ULK4: variants seen among roughly 807,000 people sequenced by gnomAD.
The protein encoded by ULK4 is unc-51 like kinase 4.
ULK4 carries 133 observed loss-of-function variants against 160.6 expected under a neutral mutation model. The ratio of observed to expected loss-of-function variants is 0.83; its 90% CI spans 0.72 to 0.96. ULK4 has a LOEUF of 0.96. Among genes scored for constraint, ULK4 ranks in the 40% least tolerant of loss-of-function variants. The pLI is 0.00. For missense variants in ULK4, 1,580 were observed against 1,499.5 expected (o/e 1.05, Z -0.89); for synonymous variants, 534 against 539.8 (o/e 0.99, Z 0.15).
chr3:41,804,246 G>C (rs956693885), intron 19 of ULK4, among the ~76,000 whole-genome samples: 16 of 152,188 alleles, frequency 1.1e-4, no homozygotes, highest in African/African-American at 3.9e-4. Flanking sequence ...GTGATGGTGA[G>C]CATTTTTTCA....
At chr3:41,835,757 G>A (rs778029056) in intron 18 of ULK4, 107 bp downstream of exon 18, 77 of 693,728 alleles carry the variant, frequency 1.1e-4, no homozygotes, top group Non-Finnish European at 1.6e-4. Flanking sequence ...TTCCTCAGGC[G>A]TGCTCTAAGG....
chr3:41,269,371 C>A (rs920320852), intron 35 of ULK4, among the ~76,000 whole-genome samples: 1 of 151,876 alleles, frequency 6.6e-6, no homozygotes, highest in African/African-American at 2.4e-5. Context: ...CAAGCAGAGA[C>A]CTGGCCTATG....
intron 27 of ULK4, among the ~76,000 whole-genome samples, chr3:41,702,435 C>T (rs2036707745): frequency 6.6e-6 from 1 of 151,972 alleles, no homozygotes; most frequent in African/African-American, 2.4e-5. Flanking sequence ...ATGAGTCATC[C>T]CGCCTGGCCC....
intron 4 of ULK4, among the ~76,000 whole-genome samples, chr3:41,934,877 T>C (rs570454998): frequency 2.0e-5 from 3 of 152,270 alleles, no homozygotes; most frequent in Admixed American, 1.3e-4. Flanking sequence ...CCTTATCTTA[T>C]AGACATATTG....
At chr3:41,871,590 G>A (rs1186665801) in intron 17 of ULK4, among the ~76,000 whole-genome samples, 4 of 152,066 alleles carry the variant, frequency 2.6e-5, no homozygotes, top group East Asian at 1.9e-4. Context: ...TTTCTCTAAC[G>A]GATAATAATG....
At chr3:41,766,033 G>C (rs1341718230) in intron 21 of ULK4, among the ~76,000 whole-genome samples, 1 of 152,158 alleles carries the variant, frequency 6.6e-6, no homozygotes, top group African/African-American at 2.4e-5. Context: ...CACTTTGGGA[G>C]GCCAAAGCGG....
chr3:41,282,430 T>A (rs924049836), intron 35 of ULK4, among the ~76,000 whole-genome samples: 4 of 152,204 alleles, frequency 2.6e-5, no homozygotes, highest in African/African-American at 9.6e-5. Context: ...CAAAACAGCA[T>A]GGTACTGGTA....
At chr3:41,474,679 C>T (rs558664886) in intron 32 of ULK4, among the ~76,000 whole-genome samples, 4 of 151,032 alleles carry the variant, frequency 2.6e-5, no homozygotes, top group Admixed American at 6.6e-5. Flanking sequence ...GATTTAAAAA[C>T]GAACAAGGAA....
At chr3:41,674,208 T>A (rs189058105) in intron 29 of ULK4, among the ~76,000 whole-genome samples, 1 of 152,252 alleles carries the variant, frequency 6.6e-6, no homozygotes, top group African/African-American at 2.4e-5. Context: ...CATTTACAGA[T>A]AAATACTAAA....
intron 30 of ULK4, among the ~76,000 whole-genome samples, chr3:41,635,338 AG>A (rs2033907487): frequency 6.6e-6 from 1 of 152,190 alleles, no homozygotes; most frequent in African/African-American, 2.4e-5. Flanking sequence ...AAGAACCACT[AG>A]CCTGTGTTTG....
At chr3:41,420,764 T>C (rs1440538496) in intron 34 of ULK4, among the ~76,000 whole-genome samples, 1 of 150,116 alleles carries the variant, frequency 6.7e-6, no homozygotes, top group Non-Finnish European at 1.5e-5. Context: ...GAATTACAGG[T>C]GTGAGCCACC....
chr3:41,432,138 G>T (rs906903080), intron 34 of ULK4, among the ~76,000 whole-genome samples: 2 of 152,062 alleles, frequency 1.3e-5, no homozygotes, highest in Non-Finnish European at 2.9e-5. Context: ...ACAAGGCAAC[G>T]ACGGCTTCTA....
chr3:41,849,804 A>AT (rs1019905916), intron 17 of ULK4, among the ~76,000 whole-genome samples: 4 of 152,002 alleles, frequency 2.6e-5, no homozygotes, highest in Non-Finnish European at 4.4e-5. Flanking sequence ...CTAAAACTAC[A>AT]TTTTTTTAAA....
intron 35 of ULK4, among the ~76,000 whole-genome samples, chr3:41,289,024 T>C (rs2079511792): frequency 1.3e-5 from 2 of 152,218 alleles, no homozygotes; most frequent in Admixed American, 1.3e-4. Flanking sequence ...AAGAGCTCTC[T>C]GTCAGAGCGC....
intron 32 of ULK4, among the ~76,000 whole-genome samples, chr3:41,558,767 C>A (rs996165139): frequency 2.7e-5 from 4 of 150,466 alleles, no homozygotes; most frequent in African/African-American, 7.3e-5. Flanking sequence ...CTTCGGTGGG[C>A]GGGGGGAAAT....
chr3:41,621,988 G>A lies in ULK4; in HGVS notation c.3072-6271C>T, dbSNP rs149555997. On this transcript the variant is annotated intron_variant, in intron 30 of 36. Coordinates refer to ENST00000301831, the MANE Select transcript of ULK4 (RefSeq NM_017886.4). ...ACACTTCTCAAAAGAAGACATTTAC[G>A]TGGCCAACAAACATATGAAAAAGAG... is the stretch of plus-strand genomic sequence containing the variant. Among the ~76,000 whole-genome samples the A allele has an allele frequency of 6.6e-5, 10 of 152,248 alleles. No homozygotes were observed. The East Asian group carries it at 9.7e-4, about 15-fold the overall frequency.
chr3:41,774,351 A>G (rs1348411494), intron 21 of ULK4, among the ~76,000 whole-genome samples: 1 of 150,696 alleles, frequency 6.6e-6, no homozygotes, highest in Non-Finnish European at 1.5e-5. Context: ...TCCAGAATCT[A>G]CAATGAACTC....
In ULK4 at chr3:41,424,087, C is replaced by A. The variant is rs190575255; in HGVS notation, c.3493-25823G>T. ...TACCATCACCGCAGCTCCAGTCTGC[C>A]ATCTTTCCCCTGCCAGTGCTGGAGA... is the stretch of plus-strand genomic sequence containing the variant. On this transcript the variant is annotated intron_variant, in intron 34 of 36. Coordinates refer to ENST00000301831, the MANE Select transcript of ULK4 (RefSeq NM_017886.4). 5.9e-5 allele frequency among the ~76,000 whole-genome samples: 9 copies of A among 152,240 alleles called. 1 individual carries two copies. The East Asian group carries it at 9.7e-4, about 16-fold the overall frequency.
intron 16 of ULK4, among the ~76,000 whole-genome samples, chr3:41,892,275 G>C (rs954937944): frequency 5.9e-5 from 9 of 152,082 alleles, no homozygotes; most frequent in African/African-American, 2.2e-4. Context: ...TATACAAATA[G>C]CCAACAATCA....
Sources: allele counts gnomAD v4.1 joint callset (sites outside exome capture counted in the v4.1 genomes callset), GRCh38; gene constraint gnomAD v4.1.1; transcripts MANE v1.5; gene names NCBI Gene and HGNC (gene_info 2026-07-23, HGNC 2026-07-21).